SPATA31G1: variants seen among roughly 807,000 people sequenced by gnomAD.
SPATA31G1 encodes spermatogenesis-associated protein 31G1.
chr9:35,043,275 G>A, the SPATA31G1 span: 1 of 1,614,164 alleles, frequency 6.2e-7, no homozygotes, highest in Non-Finnish European at 8.5e-7. Flanking sequence ...GAGCTCAGGT[G>A]GCCCCTCTCC....
At chr9:35,042,788 C>T in the SPATA31G1 span, 3 of 1,547,178 alleles carry the variant, frequency 1.9e-6, no homozygotes, top group South Asian at 3.7e-5. Flanking sequence ...ATGGAGCAGA[C>T]TGAGTGCCTC....
the SPATA31G1 span, chr9:35,045,363 G>A: frequency 1.1e-5 from 17 of 1,613,960 alleles, no homozygotes; most frequent in Non-Finnish European, 1.4e-5. Context: ...GGCTGGTGTG[G>A]ACTATCTATC....
chr9:35,044,846 GA>G, the SPATA31G1 span: 1 of 1,614,084 alleles, frequency 6.2e-7, no homozygotes, highest in Non-Finnish European at 8.5e-7. Flanking sequence ...CTGAAGCTGT[GA>G]AGATTGAACG....
the SPATA31G1 span, chr9:35,042,919 A>G: frequency 6.2e-7 from 1 of 1,614,146 alleles, no homozygotes; most frequent in Non-Finnish European, 8.5e-7. Context: ...CAGAAATCAG[A>G]AGTGGAGGAA....
the SPATA31G1 span, chr9:35,043,618 A>G: frequency 6.2e-7 from 1 of 1,614,162 alleles, no homozygotes; most frequent in Non-Finnish European, 8.5e-7. Flanking sequence ...ACAGGACACA[A>G]AAAGATGCCC....
the SPATA31G1 span, chr9:35,044,308 T>C: frequency 1.9e-6 from 3 of 1,614,160 alleles, no homozygotes; most frequent in Non-Finnish European, 2.5e-6. Flanking sequence ...TCTCCATCTC[T>C]GGCCCTCAGC....
At chr9:35,042,854 T>C in the SPATA31G1 span, 19 of 1,608,656 alleles carry the variant, frequency 1.2e-5, no homozygotes, top group Non-Finnish European at 1.6e-5. Context: ...CTTTATCTAC[T>C]TCCCAGGAAC....
At chr9:35,042,954 G>C in the SPATA31G1 span, 1 of 1,614,022 alleles carries the variant, frequency 6.2e-7, no homozygotes, top group African/African-American at 1.3e-5. Context: ...GGAAGAGGGG[G>C]AAGACGAGGC....
the SPATA31G1 span, chr9:35,044,040 C>A: frequency 6.8e-6 from 11 of 1,613,770 alleles, no homozygotes; most frequent in Admixed American, 1.8e-4. Flanking sequence ...CCCAGTTTCA[C>A]CTCCCAGCCT....
chr9:35,043,062 G>A, the SPATA31G1 span: 8 of 1,614,102 alleles, frequency 5.0e-6, no homozygotes, highest in East Asian at 1.3e-4. Flanking sequence ...TGGTTCTGAG[G>A]GCCTCCTCAA....
At chr9:35,044,588 A>G in the SPATA31G1 span, 3 of 1,614,080 alleles carry the variant, frequency 1.9e-6, no homozygotes, top group African/African-American at 4.0e-5. Flanking sequence ...ACTCTGTTTC[A>G]AAGTCCCACG....
the SPATA31G1 span, chr9:35,044,796 G>C: frequency 6.2e-7 from 1 of 1,614,198 alleles, no homozygotes; most frequent in Non-Finnish European, 8.5e-7. Context: ...CCCTCTGGCA[G>C]TGGATCCCCT....
chr9:35,045,153 T>C, the SPATA31G1 span: 1 of 1,613,830 alleles, frequency 6.2e-7, no homozygotes, highest in Non-Finnish European at 8.5e-7. Flanking sequence ...ATGCCCCCAC[T>C]CTTCAAGTTG....
the SPATA31G1 span, chr9:35,045,642 C>A: frequency 2.5e-6 from 4 of 1,614,200 alleles, no homozygotes; most frequent in Non-Finnish European, 3.4e-6. Flanking sequence ...CACTGCTCTT[C>A]CCCAGCTGCT....
At chr9:35,042,595 C>G in the SPATA31G1 span, 1 of 1,514,518 alleles carries the variant, frequency 6.6e-7, no homozygotes, top group Non-Finnish European at 9.0e-7. Flanking sequence ...AGATGTGAGG[C>G]TGGGTGAGTA....
At chr9:35,042,125 T>G in the SPATA31G1 span, 1 of 1,403,928 alleles carries the variant, frequency 7.1e-7, no homozygotes, top group South Asian at 1.5e-5. Context: ...AATTGCCTGA[T>G]AGAGGAAATT....
At chr9:35,042,425 G>C in the SPATA31G1 span, 3 of 1,614,246 alleles carry the variant, frequency 1.9e-6, no homozygotes, top group Non-Finnish European at 2.5e-6. Context: ...AGAGATGGTG[G>C]CAGCTTGGGA....
chr9:35,043,606 C>G, the SPATA31G1 span: 319 of 1,614,088 alleles, frequency 2.0e-4, no homozygotes, highest in Non-Finnish European at 2.5e-4. Context: ...CATTTGGAAA[C>G]CACAGGACAC....
At chr9:35,044,511 G>C in the SPATA31G1 span, 1 of 1,614,094 alleles carries the variant, frequency 6.2e-7, no homozygotes, top group African/African-American at 1.3e-5. Context: ...GTCTATTGTA[G>C]GGGAAATGGA....
Sources: gnomAD v4.1 joint callset for allele counts on GRCh38, gnomAD v4.1.1 for gene constraint, MANE v1.5 for transcripts, NCBI Gene and HGNC (gene_info 2026-07-23, HGNC 2026-07-21) for gene names.